TMEM14B: variants seen among roughly 807,000 people sequenced by gnomAD.
The protein encoded by TMEM14B is transmembrane protein 14B.
A neutral mutation model predicts 14.8 loss-of-function variants in TMEM14B; 9 were observed. The observed-to-expected ratio is 0.61, with a 90% CI of 0.37 to 1.06. The LOEUF (loss-of-function observed/expected upper bound fraction) is 1.06, where lower values mean the gene tolerates loss of function less well. Ranked by LOEUF, TMEM14B falls within the 50% of genes least tolerant of loss-of-function variation. The pLI is 0.01. For missense variants in TMEM14B, 128 were observed against 143.6 expected (o/e 0.89, Z 0.56); for synonymous variants, 40 against 51.3 (o/e 0.78, Z 0.94).
At chr6:10,753,511 T>C (rs9461127) in intron 4 of TMEM14B, among the ~76,000 whole-genome samples, 10,610 of 151,988 alleles carry the variant, frequency 0.07, 1,260 homozygotes, top group African/African-American at 0.24. Flanking sequence ...CCACTAGATA[T>C]TGAAGTTCTT....
chr6:10,753,405 T>C (rs1771669340), intron 4 of TMEM14B, among the ~76,000 whole-genome samples: 1 of 152,062 alleles, frequency 6.6e-6, no homozygotes, highest in Non-Finnish European at 1.5e-5. Flanking sequence ...CTTGGCCATT[T>C]AGCAGTTCTC....
At chr6:10,748,300 C>T (rs1013576974) in intron 1 of TMEM14B, among the ~76,000 whole-genome samples, 2 of 152,104 alleles carry the variant, frequency 1.3e-5, no homozygotes, top group African/African-American at 2.4e-5. Context: ...GCCTGGAGTG[C>T]AGTAGCCTGA....
chr6:10,752,020 G>C (rs1181832911), intron 4 of TMEM14B, among the ~76,000 whole-genome samples: 1 of 152,060 alleles, frequency 6.6e-6, no homozygotes, highest in East Asian at 1.9e-4. Flanking sequence ...GAAGCCGTGT[G>C]ATCTGTACAT....
chr6:10,756,067 G>A (rs561942100), intron 5 of TMEM14B, among the ~76,000 whole-genome samples: 1 of 152,222 alleles, frequency 6.6e-6, no homozygotes, highest in South Asian at 2.1e-4. Flanking sequence ...GATCATAGTC[G>A]TGATGCTGCC....
At chr6:10,753,299 G>C (rs1771663308) in intron 4 of TMEM14B, among the ~76,000 whole-genome samples, 1 of 152,040 alleles carries the variant, frequency 6.6e-6, no homozygotes, top group African/African-American at 2.4e-5. Context: ...TTCAGTCTCT[G>C]TTTCTGTCCC....
At position 10,755,148 on chromosome 6, in the gene TMEM14B, C is replaced by T. The variant is rs1209952691; in HGVS notation, c.209C>T (p.Thr70Ile). Residue 70 changes from threonine (T) to isoleucine (I), a missense_variant, in exon 5 of 6, where the codon ACA becomes ATA. Coordinates refer to ENST00000379542, the MANE Select transcript of TMEM14B (RefSeq NM_030969.5). ...PRNVWGFLAA[T>I]SVTFVGVMGM... ...TTCTTTGTATCTTTTTCAGCCGCTACATCTGTTACTTTTGTTGGTGTTATG... is the reference window on the plus strand; with the variant it reads ...TTCTTTGTATCTTTTTCAGCCGCTATATCTGTTACTTTTGTTGGTGTTATG... 3 of 1,613,684 alleles carry T rather than the reference C, an allele frequency of 1.9e-6. No individual in the cohort carries two copies. Among genetic ancestry groups the T allele is most frequent in the African/African-American group, 2.7e-5 (2 of 74,920 alleles).
At chr6:10,749,747 G>T in intron 3 of TMEM14B, 49 bp downstream of exon 3, 1 of 1,606,322 alleles carries the variant, frequency 6.2e-7, no homozygotes, top group Non-Finnish European at 8.5e-7. Flanking sequence ...CGTTGTTCCA[G>T]TGAAATGTGA....
intron 2 of TMEM14B, 35 bp downstream of exon 2, chr6:10,749,303 G>T (rs1561912945): frequency 6.2e-7 from 1 of 1,613,370 alleles, no homozygotes. Context: ...GAGTAGCCAG[G>T]AGCTTCTGGA....
chr6:10,753,328 C>T (rs1771667270), intron 4 of TMEM14B, among the ~76,000 whole-genome samples: 1 of 152,114 alleles, frequency 6.6e-6, no homozygotes, highest in African/African-American at 2.4e-5. Flanking sequence ...TGGAATAGCT[C>T]TCCCTGAGGC....
At chr6:10,754,770 C>G (rs151262532) in intron 4 of TMEM14B, among the ~76,000 whole-genome samples, 37 of 152,310 alleles carry the variant, frequency 2.4e-4, no homozygotes, top group South Asian at 1.7e-3. Context: ...TTGACAGATA[C>G]CCAGTGGGAA....
At position 10,751,204 on chromosome 6, in the gene TMEM14B, C is replaced by T. The variant is rs145552498; in HGVS notation, c.172C>T (p.Gln58Ter). The T allele has an allele frequency of 4.8e-5, 77 of 1,613,928 alleles. 1 individual carries two copies. In the African/African-American group the frequency reaches 9.9e-4, roughly 21 times the overall value. The change falls in exon 4 of 6, where the codon CAG (glutamine) becomes TAG (stop). Residue 58 changes from glutamine to a stop codon, truncating the protein, a stop_gained. Transcript: ENST00000379542. LOFTEE classifies it high-confidence loss of function. Reference protein sequence around the residue: ...LAGLGAYQLYQDPRNVWGFLA... With the variant: ...LAGLGAYQLY ...CGGCCTGGGTGCTTACCAGCTGTAT[C>T]AGGATCCAAGGAACGTTTGGGGTTT...
intron 1 of TMEM14B, among the ~76,000 whole-genome samples, 193 bp from the exon 2 acceptor site, chr6:10,749,009 T>G (rs540389820): frequency 2.6e-4 from 39 of 152,206 alleles, no homozygotes; most frequent in Non-Finnish European, 2.5e-4. Flanking sequence ...GTTTACTAGG[T>G]GCTAAGCACC....
At chr6:10,747,968 C>T (rs1021708837) in intron 1 of TMEM14B, 87 bp downstream of exon 1, 1 of 152,322 alleles carries the variant, frequency 6.6e-6, no homozygotes, top group Admixed American at 6.5e-5. Flanking sequence ...CGGCCGTCTG[C>T]TTTTCGTCCC....
chr6:10,757,020 C>A, downstream of TMEM14B: 1 of 972,202 alleles, frequency 1.0e-6, no homozygotes, highest in Non-Finnish European at 1.2e-6. Flanking sequence ...TGGTCTAGTT[C>A]ATAGAATGAG....
At chr6:10,750,823 A>G (rs1346950231) in intron 3 of TMEM14B, among the ~76,000 whole-genome samples, 2 of 152,038 alleles carry the variant, frequency 1.3e-5, no homozygotes, top group African/African-American at 2.4e-5. Flanking sequence ...AGGGTTAGTA[A>G]AAACAAGGTT....
At position 10,756,745 on chromosome 6, in the gene TMEM14B, G is replaced by A. The variant is rs936464889; in HGVS notation, c.*227G>A. ...GCTTATTGAGACCATCATAGAGATCGATTCTTGTATATTGATTTTATCTCT... is the reference window on the plus strand; with the variant it reads ...GCTTATTGAGACCATCATAGAGATCAATTCTTGTATATTGATTTTATCTCT... On this transcript the variant is annotated 3_prime_UTR_variant, in exon 6 of 6. Coordinates refer to ENST00000379542, the MANE Select transcript of TMEM14B (RefSeq NM_030969.5). 3.4e-6 allele frequency: 4 copies of A among 1,190,972 alleles called. No homozygotes were observed. Among genetic ancestry groups the A allele is most frequent in the Non-Finnish European group, 4.2e-6 (4 of 959,878 alleles). The allele number at this position is 1,190,972 out of a possible 1,614,324, so 73.8% of individuals were successfully genotyped here. A position where few individuals can be genotyped will look rare whatever the true frequency, so the allele number is the denominator to read the frequency against.
downstream of TMEM14B, among the ~76,000 whole-genome samples, chr6:10,757,855 G>A (rs929667619): frequency 6.6e-6 from 1 of 152,080 alleles, no homozygotes; most frequent in Non-Finnish European, 1.5e-5. Flanking sequence ...GCTGGGTGTG[G>A]TGGCTCATGC....
downstream of TMEM14B, chr6:10,758,909 CTTTTTTTT>C (rs34333457): frequency 1.4e-4 from 14 of 103,434 alleles, no homozygotes; most frequent in South Asian, 2.8e-4. Context: ...AGATCTAATT[CTTTTTTTT>C]TTTTTTTTTT....
intron 1 of TMEM14B, 27 bp from the exon 2 acceptor site, chr6:10,749,175 A>G: frequency 1.3e-6 from 2 of 1,539,610 alleles, no homozygotes; most frequent in East Asian, 2.2e-5. Flanking sequence ...GCTTTTAACC[A>G]CTGCTGATCC....
Sources: allele counts gnomAD v4.1 joint callset (sites outside exome capture counted in the v4.1 genomes callset), GRCh38; gene constraint gnomAD v4.1.1; transcripts MANE v1.5; gene names NCBI Gene and HGNC (gene_info 2026-07-23, HGNC 2026-07-21).